ZNF83: variants seen among roughly 807,000 people sequenced by gnomAD.
ZNF83 encodes zinc finger protein 83.
For missense variants in ZNF83, 552 were observed against 629.9 expected, an observed-to-expected ratio of 0.88 and a Z score of 1.32; for synonymous variants, 209 against 213.0, an observed-to-expected ratio of 0.98 and a Z score of 0.17.
At chr19:52,619,950 C>T (rs773625077) in intron 2 of ZNF83, among the ~76,000 whole-genome samples, 5 of 151,790 alleles carry the variant, frequency 3.3e-5, no homozygotes, top group Non-Finnish European at 7.4e-5. Flanking sequence ...CTTGGGAGGC[C>T]GAGGTGGGAG....
chr19:52,646,465 C>G (rs573986055), intron 3 of ZNF83, among the ~76,000 whole-genome samples: 262 of 152,276 alleles, frequency 1.7e-3, no homozygotes, highest in African/African-American at 5.8e-3. Context: ...ACGAGGATCA[C>G]TTGACCCCCG....
At chr19:52,633,788 G>A (rs1013095373) in intron 2 of ZNF83, among the ~76,000 whole-genome samples, 5 of 151,850 alleles carry the variant, frequency 3.3e-5, no homozygotes, top group Non-Finnish European at 5.9e-5. Flanking sequence ...CGCATGCCTG[G>A]AGTACCAGCT....
intron 2 of ZNF83, among the ~76,000 whole-genome samples, chr19:52,628,651 G>A (rs945304044): frequency 3.3e-5 from 5 of 151,976 alleles, no homozygotes; most frequent in Admixed American, 6.6e-5. Context: ...TTAGCAGCAA[G>A]TTCCGCTTTT....
chr19:52,620,232 ATGTATATATGTGTG>A lies in ZNF83; in HGVS notation c.-233-5449_-233-5436del, dbSNP rs371185099. On this transcript the variant is annotated intron_variant, in intron 2 of 2. Transcript: ENST00000301096. ...TATATACGTATGTGTGTATGTGTAT[ATGTATATATGTGTG>A]TGTATATCTGTGTGTGTATATCTCT... is the stretch of plus-strand genomic sequence containing the variant. Among the ~76,000 whole-genome samples, 127 of 109,490 alleles carry A rather than the reference ATGTATATATGTGTG, an allele frequency of 1.2e-3. 2 individuals carry two copies. The highest frequency in any genetic ancestry group is 2.2e-3 in the African/African-American group (66 of 30,460). The allele number at this position is 109,490 out of a possible 152,430, so 71.8% of individuals were successfully genotyped here. A position where few individuals can be genotyped will look rare whatever the true frequency, so the allele number is the denominator to read the frequency against.
chr19:52,680,562 AT>A (rs1315098048), intron 1 of ZNF83, among the ~76,000 whole-genome samples: 1 of 147,778 alleles, frequency 6.8e-6, no homozygotes, highest in African/African-American at 2.5e-5. Flanking sequence ...ATTTTGGCAC[AT>A]TTTTTCTCCA....
intron 3 of ZNF83, chr19:52,652,465 A>T: frequency 7.2e-6 from 3 of 415,926 alleles, no homozygotes; most frequent in South Asian, 5.5e-5. Context: ...TGCCACAATT[A>T]TCACAGTTGT....
chr19:52,672,111 G>A (rs904307473), intron 1 of ZNF83, among the ~76,000 whole-genome samples: 1 of 152,106 alleles, frequency 6.6e-6, no homozygotes, highest in Non-Finnish European at 1.5e-5. Context: ...GCACAAAACT[G>A]TAATCTCAGC....
At chr19:52,629,996 A>C (rs1431315302) in intron 2 of ZNF83, among the ~76,000 whole-genome samples, 1 of 152,122 alleles carries the variant, frequency 6.6e-6, no homozygotes, top group Non-Finnish European at 1.5e-5. Context: ...AAACGCCTGA[A>C]CCACAGTGGC....
At chr19:52,675,965 G>GCAGAT (rs1373760834) in intron 1 of ZNF83, among the ~76,000 whole-genome samples, 1 of 152,084 alleles carries the variant, frequency 6.6e-6, no homozygotes, top group East Asian at 1.9e-4. Context: ...GCCGATGCAG[G>GCAGAT]CAGATCATGA....
chr19:52,620,592 T>C (rs972090646), intron 2 of ZNF83, among the ~76,000 whole-genome samples: 3 of 152,164 alleles, frequency 2.0e-5, no homozygotes, highest in Admixed American at 2.0e-4. Context: ...TATTTACTAA[T>C]ATGAGAACAT....
intron 3 of ZNF83, among the ~76,000 whole-genome samples, chr19:52,647,705 T>C (rs953809465): frequency 1.4e-4 from 21 of 151,764 alleles, no homozygotes; most frequent in African/African-American, 5.1e-4. Flanking sequence ...TACCCCTCTC[T>C]TCTGCTGCTG....
chr19:52,653,338 C>G, intron 3 of ZNF83: 1 of 1,255,272 alleles, frequency 8.0e-7, no homozygotes, highest in East Asian at 2.7e-5. Context: ...AGTATGAACT[C>G]TCTGATGTTG....
chr19:52,662,999 T>C (rs1362862964), intron 1 of ZNF83, among the ~76,000 whole-genome samples: 3 of 151,894 alleles, frequency 2.0e-5, no homozygotes, highest in African/African-American at 4.8e-5. Context: ...CCCGTCTCTA[T>C]GAAAAGTACA....
At chr19:52,645,505 T>C (rs1477895394) in intron 3 of ZNF83, among the ~76,000 whole-genome samples, 5 of 152,116 alleles carry the variant, frequency 3.3e-5, no homozygotes, top group Non-Finnish European at 5.9e-5. Context: ...AAAGAAATTT[T>C]GAAAACTAAG....
rs56916405 is a variant in ZNF83, at chr19:52,681,280, C to CAAAAAAAAA, written c.-283+9154_-283+9162dup. Among the ~76,000 whole-genome samples, 67 of 75,414 alleles carry CAAAAAAAAA rather than the reference C, an allele frequency of 8.9e-4. 2 individuals carry two copies. The highest frequency in any genetic ancestry group is 2.4e-3 in the African/African-American group (50 of 21,136). The allele number at this position is 75,414 out of a possible 152,430, so 49.5% of individuals were successfully genotyped here. ...CCTGGGTGACAGAGTGAGACTTTCT[C>CAAAAAAAAA]AAAAAAAAAAAAAAAAAAAAAGCAA... On this transcript the variant is annotated intron_variant, in intron 1 of 5. Coordinates refer to the ZNF83 transcript ENST00000594682.
chr19:52,689,905 G>A (rs1158441858), intron 1 of ZNF83, among the ~76,000 whole-genome samples: 5 of 152,206 alleles, frequency 3.3e-5, no homozygotes, highest in Admixed American at 1.3e-4. Flanking sequence ...TCCCCAACGC[G>A]GGCTCAGGAG....
chr19:52,680,847 C>T (rs1409239455), intron 1 of ZNF83, among the ~76,000 whole-genome samples: 1 of 150,880 alleles, frequency 6.6e-6, no homozygotes, highest in South Asian at 2.1e-4. Flanking sequence ...CTCCTGACCT[C>T]GTGATCCGCC....
chr19:52,653,947 G>A, intron 3 of ZNF83: 2 of 1,190,572 alleles, frequency 1.7e-6, no homozygotes, highest in Non-Finnish European at 2.5e-6. Flanking sequence ...TGTCAATAAT[G>A]AAGAATGGAG....
chr19:52,656,020 G>C (rs1216868424), intron 2 of ZNF83, among the ~76,000 whole-genome samples: 2 of 152,014 alleles, frequency 1.3e-5, no homozygotes, highest in African/African-American at 2.4e-5. Context: ...AGACCACCCA[G>C]GGCAACATGG....
Sources: gnomAD v4.1 joint callset for allele counts (sites outside exome capture counted in the v4.1 genomes callset) on GRCh38, gnomAD v4.1.1 for gene constraint, MANE v1.5 for transcripts, NCBI Gene and HGNC (gene_info 2026-07-23, HGNC 2026-07-21) for gene names.